The following PLEC variants were observed in gnomAD, a reference collection of about 807,000 sequenced individuals.
PLEC encodes hemidesmosomal protein 1.
Under a neutral mutation model 392.8 loss-of-function variants are expected in PLEC, and 216 were observed. The observed-to-expected ratio is 0.55, with a 90% CI of 0.49 to 0.62. PLEC has a LOEUF of 0.62. Ranked by LOEUF, PLEC falls within the 20% of genes least tolerant of loss-of-function variation. The probability of loss-of-function intolerance (pLI) is 0.00; values close to 1 mark genes in which losing one functional copy is unlikely to be tolerated. For missense variants in PLEC, 6,863 were observed against 6,563.4 expected (o/e 1.05, Z -1.58); for synonymous variants, 3,621 against 2,980.6 (o/e 1.21, Z -7.00).
At chr8:143,952,909 G>A (rs1832336158), upstream of PLEC, among the ~76,000 whole-genome samples, 1 of 152,020 alleles carries the variant, frequency 6.6e-6, no homozygotes. Flanking sequence ...AGGCGGGAAG[G>A]GAAGCCGCAG....
At chr8:143,934,478 G>C in intron 10 of PLEC, 33 bp from the exon 11 acceptor site, 1 of 1,608,308 alleles carries the variant, frequency 6.2e-7, no homozygotes, top group Admixed American at 1.7e-5. Context: ...GGCCCTATAG[G>C]CAGGGGGCAG....
rs782154733 is a variant in PLEC at position 143,925,493 on chromosome 8, C to A, written c.4436G>T (p.Arg1479Leu). The change falls in exon 31 of 32, where the codon CGT becomes CTT. Residue 1479 changes from arginine to leucine, a missense_variant. Transcript: ENST00000345136. The stretch of plus-strand genomic sequence containing the variant: ...TGCCTCAGCCTCCTCCGCCCGTGCA[C>A]GCAGTGCCTGCAGCTCCCCCTCAGC... The part of the protein sequence containing the change: ...GGAEGELQAL[R>L]ARAEEAEAQK... The A allele has an allele frequency of 6.3e-7, 1 of 1,596,210 alleles. No homozygotes were observed. Among genetic ancestry groups the A allele is most frequent in the South Asian group, 1.1e-5 (1 of 90,870 alleles).
At position 143,921,511 on chromosome 8, in the gene PLEC, G is replaced by T; in HGVS notation, c.8310C>A (p.Ala2770=). The change falls in exon 32 of 32, where the codon GCC becomes GCA. Residue 2770 remains alanine (A), a synonymous_variant. Transcript: ENST00000345136. ...GPELHHKLLS[A]ERAVTGYKDP... Reference sequence around the variant, plus strand: ...CCTTGTAGCCAGTGACGGCGCGCTCGGCCGACAGCAGCTTGTGGTGCAGCT... The same window carrying T: ...CCTTGTAGCCAGTGACGGCGCGCTCTGCCGACAGCAGCTTGTGGTGCAGCT... 1 of 1,612,968 alleles carries T rather than the reference G, an allele frequency of 6.2e-7. No homozygotes were observed. Among genetic ancestry groups the T allele is most frequent in the Non-Finnish European group, 8.5e-7 (1 of 1,179,780 alleles).
chr8:143,950,156 C>A (rs1554734847), intron 1 of PLEC: 1 of 1,477,898 alleles, frequency 6.8e-7, no homozygotes, highest in Non-Finnish European at 9.0e-7. Context: ...TGCCACCCAT[C>A]ATGACTTGGG....
chr8:143,957,651 C>T (rs1391317409), upstream of PLEC, among the ~76,000 whole-genome samples: 2 of 152,200 alleles, frequency 1.3e-5, no homozygotes, highest in Non-Finnish European at 2.9e-5. Context: ...AGTCCCCAGG[C>T]CCTGGCTGCC....
At chr8:143,976,271 G>C (rs967557325), upstream of PLEC, among the ~76,000 whole-genome samples, 40 of 152,184 alleles carry the variant, frequency 2.6e-4, 1 homozygote, top group African/African-American at 7.7e-4. Context: ...GTCCCCAAGA[G>C]CACTGGCGTG....
Position 143,922,780 on chromosome 8 carries a change from C to T in PLEC, c.7149G>A (p.Glu2383=). The T allele has an allele frequency of 3.1e-6, 5 of 1,601,446 alleles. No homozygotes were observed. The highest frequency in any genetic ancestry group is 3.4e-6 in the Non-Finnish European group (4 of 1,176,660). The change falls in exon 31 of 32, where the codon GAG becomes GAA. Residue 2383 remains glutamate, a synonymous_variant. Transcript: ENST00000345136. ...TCTCGGCCACACGCAGCTTGAGGCGCTCAGCCTCAGCGCTCATCTCCAGCT... is the reference window on the plus strand; with the variant it reads ...TCTCGGCCACACGCAGCTTGAGGCGTTCAGCCTCAGCGCTCATCTCCAGCT... ...QRQLEMSAEA[E]RLKLRVAEMS... is the part of the protein sequence containing the mutation.
chr8:143,958,323 G>T (rs1019036527), upstream of PLEC, among the ~76,000 whole-genome samples: 4 of 152,074 alleles, frequency 2.6e-5, no homozygotes, highest in Non-Finnish European at 5.9e-5. This position sits in a 1 kb window ranked among gnomAD's most constrained non-coding sequence, Gnocchi z 4.9. Flanking sequence ...TCCCAGTGAG[G>T]GCCCAGGAGG....
chr8:143,941,107 C>T (rs565806649), upstream of PLEC, among the ~76,000 whole-genome samples: 2 of 152,374 alleles, frequency 1.3e-5, no homozygotes, highest in East Asian at 3.9e-4. Context: ...TCTGGAAACA[C>T]TGTCGCCTCT....
intron 19 of PLEC, 56 bp from the exon 20 acceptor site, chr8:143,930,592 C>T: frequency 6.5e-7 from 1 of 1,539,554 alleles, no homozygotes; most frequent in South Asian, 1.2e-5. Context: ...AGGCCTGCCC[C>T]AGGCACCCCC....
chr8:143,937,348 G>T, intron 3 of PLEC, 106 bp from the exon 4 acceptor site: 2 of 822,688 alleles, frequency 2.4e-6, no homozygotes, highest in East Asian at 2.6e-5. Flanking sequence ...TCTTCCCCAG[G>T]GGGCAGCAGC....
Position 143,925,767 on chromosome 8 carries a change from G to T in PLEC, c.4162C>A (p.Arg1388=), listed in dbSNP as rs188305538. ...CGCTGCTGCAGCTCCTTCGCCTCCC[G>T]CTCCGCCTGTGCCTTTGCCTGGGCG... ...AHAQAKAQAE[R]EAKELQQRMQ... is the part of the protein sequence containing the mutation. The change falls in exon 31 of 32, where the codon CGG becomes AGG. Residue 1388 remains arginine, a synonymous_variant. Coordinates refer to ENST00000345136, the MANE Select transcript of PLEC (RefSeq NM_201384.3). The T allele has an allele frequency of 3.8e-6, 6 of 1,590,454 alleles. No individual in the cohort carries two copies. The highest frequency in any genetic ancestry group is 5.1e-6 in the Non-Finnish European group (6 of 1,175,578).
chr8:143,971,993 TAGAGG>T (rs1228013741), intron 1 of PLEC, among the ~76,000 whole-genome samples: 1 of 151,796 alleles, frequency 6.6e-6, no homozygotes, highest in Non-Finnish European at 1.5e-5. Context: ...CCCCAGGAGG[TAGAGG>T]AAAGACAGCC....
Position 143,973,062 on chromosome 8 carries a change from G to A in PLEC, c.70+341C>T, listed in dbSNP as rs1833510167. Among the ~76,000 whole-genome samples, 1 of 152,160 alleles carries A rather than the reference G, an allele frequency of 6.6e-6. No individual in the cohort carries two copies. Among genetic ancestry groups the A allele is most frequent in the Admixed American group, 6.5e-5 (1 of 15,290 alleles). ...CAGACGCGCCCCAGAGGTGGGGCAG[G>A]GGATGGCTCAGCCTTGACCCATGTG... On this transcript the variant is annotated intron_variant, in intron 1 of 31. Transcript: ENST00000356346. This position sits in a 1 kb window ranked among gnomAD's most constrained non-coding sequence, Gnocchi z 5.6.
intron 1 of PLEC, among the ~76,000 whole-genome samples, chr8:143,948,267 C>T (rs1343456551): frequency 6.6e-6 from 1 of 152,268 alleles, no homozygotes; most frequent in African/African-American, 2.4e-5. Flanking sequence ...TGGACCAGCA[C>T]AGTTGGCCCA....
At position 143,929,715 on chromosome 8, in the gene PLEC, GC is replaced by G; in HGVS notation, c.2853del (p.Leu952Ter). 6.3e-7 allele frequency: 1 copy of G among 1,599,908 alleles called. No homozygotes were observed. The highest frequency in any genetic ancestry group is 8.5e-7 in the Non-Finnish European group (1 of 1,179,274). ...QDAGGFGPED[R>X]LMAEREYGSC... ...GAGCCGTACTCGCGCTCAGCCATCA[GC>G]CGGTCCTCGGGTCCGAAGCCGCCCG... On this transcript the variant is annotated frameshift_variant, in exon 23 of 32. Coordinates refer to ENST00000345136, the MANE Select transcript of PLEC (RefSeq NM_201384.3). LOFTEE classifies it high-confidence loss of function.
At chr8:143,952,959 AGCTCCGCACAC>A (rs1455867544), upstream of PLEC, among the ~76,000 whole-genome samples, 8 of 147,576 alleles carry the variant, frequency 5.4e-5, no homozygotes, top group East Asian at 6.2e-4. Flanking sequence ...CCACCCTGCC[AGCTCCGCACAC>A]GCCCCCCTGC....
intron 6 of PLEC, among the ~76,000 whole-genome samples, chr8:143,935,522 C>T (rs1472854352): frequency 6.6e-6 from 1 of 152,222 alleles, no homozygotes; most frequent in Non-Finnish European, 1.5e-5. Context: ...CAGAGGACTG[C>T]GCAGAGCTGA....
In PLEC at chr8:143,916,608, G is replaced by A. The variant is rs781837848; in HGVS notation, c.13213C>T (p.Arg4405Cys). The change falls in exon 32 of 32, where the codon CGC becomes TGC. Residue 4405 changes from arginine (R) to cysteine (C), a missense_variant. Transcript: ENST00000345136. ...TGCAGGGCCTCGTCCAGGGGCACGC[G>A]GCCCGGCGTGTCGGGCTCGATCAAG... ...GGLIEPDTPG[R>C]VPLDEALQRG... The A allele has an allele frequency of 2.5e-6, 4 of 1,609,960 alleles. No individual in the cohort carries two copies. Among genetic ancestry groups the A allele is most frequent in the Non-Finnish European group, 3.4e-6 (4 of 1,178,864 alleles).
Sources: allele counts gnomAD v4.1 joint callset (sites outside exome capture counted in the v4.1 genomes callset), GRCh38; gene constraint gnomAD v4.1.1; non-coding constraint Gnocchi (gnomAD v3.1); transcripts MANE v1.5; gene names NCBI Gene and HGNC (gene_info 2026-07-23, HGNC 2026-07-21).